Variants in TMEM185A observed in about 807,000 individuals in gnomAD.
TMEM185A encodes the protein transmembrane protein 185A.
Under a neutral mutation model 25.0 loss-of-function variants are expected in TMEM185A, and 9 were observed. The ratio of observed to expected loss-of-function variants is 0.36; its 90% CI spans 0.22 to 0.63. The LOEUF is 0.63. Ranked by LOEUF, TMEM185A falls within the 20% of genes least tolerant of loss-of-function variation. TMEM185A has a pLI of 0.68. For synonymous variants in TMEM185A, 45 were observed against 93.5 expected (o/e 0.48, Z 2.99); for missense variants, 103 against 237.4 (o/e 0.43, Z 3.72).
intron 3 of TMEM185A, among the ~76,000 whole-genome samples, chrX:149,607,360 C>A (rs1557353694): frequency 8.9e-6 from 1 of 112,102 alleles, no homozygotes; most frequent in African/African-American, 3.2e-5. Context: ...AGCTTTGGGC[C>A]CTCAGCTTCT....
At chrX:149,618,443 T>C (rs1437715098) in intron 1 of TMEM185A, among the ~76,000 whole-genome samples, 4 of 111,341 alleles carry the variant, frequency 3.6e-5, no homozygotes, top group African/African-American at 1.3e-4. Context: ...CATCATTGTG[T>C]CATGGTATTC....
At chrX:149,613,687 C>T (rs1424398707) in intron 1 of TMEM185A, among the ~76,000 whole-genome samples, 1 of 112,226 alleles carries the variant, frequency 8.9e-6, no homozygotes, top group East Asian at 2.8e-4. Context: ...ACAGCAGAAA[C>T]GAATGCTAAT....
chrX:149,607,111 G>A (rs1388963873), intron 3 of TMEM185A, among the ~76,000 whole-genome samples: 2 of 111,544 alleles, frequency 1.8e-5, no homozygotes, highest in African/African-American at 6.5e-5. Context: ...AACCCTTCCT[G>A]GTGCTCTAGG....
chrX:149,615,276 C>A (rs66829792), intron 1 of TMEM185A, among the ~76,000 whole-genome samples: 7,847 of 111,397 alleles, frequency 0.07, 216 homozygotes, highest in Middle Eastern at 0.12. Context: ...ACGTAATTTG[C>A]TACCCATTCA....
chrX:149,622,817 G>A (rs375675881), intron 1 of TMEM185A, among the ~76,000 whole-genome samples: 2 of 112,129 alleles, frequency 1.8e-5, no homozygotes, highest in East Asian at 5.6e-4. Context: ...TGGAATCTGG[G>A]CAACAAGTTG....
chrX:149,620,705 C>T (rs1170050575), intron 1 of TMEM185A, among the ~76,000 whole-genome samples: 2 of 112,022 alleles, frequency 1.8e-5, no homozygotes, highest in Non-Finnish European at 3.8e-5. Flanking sequence ...GGTCTCAAGG[C>T]CCACTCCCAA....
chrX:149,611,583 T>TGA, intron 1 of TMEM185A, 120 bp from the exon 2 acceptor site: 1 of 655,230 alleles, frequency 1.5e-6, no homozygotes, highest in Non-Finnish European at 2.3e-6. Flanking sequence ...TCAATAATCA[T>TGA]TTATTGAAAA....
intron 1 of TMEM185A, among the ~76,000 whole-genome samples, chrX:149,615,555 T>A (rs1557354961): frequency 9.0e-6 from 1 of 111,533 alleles, no homozygotes; most frequent in Non-Finnish European, 1.9e-5. Context: ...TAGGAAATCC[T>A]AAGTAATCTA....
At position 149,611,336 on chromosome X, in the gene TMEM185A, C is replaced by A. The variant is rs782695633; in HGVS notation, c.166G>T (p.Val56Phe). 1.7e-6 allele frequency: 2 copies of A among 1,209,473 alleles called. No homozygotes were observed. The highest frequency in any genetic ancestry group is 1.8e-5 in the African/African-American group (1 of 57,124). Residue 56 changes from valine to phenylalanine, a missense_variant, in exon 2 of 7, where the codon GTT (valine) becomes TTT (phenylalanine). Physicochemically the swap from Val to Phe is conservative, Grantham distance 50. Transcript: ENST00000600449. Reference sequence around the variant, plus strand: ...ACTCCAGTTCCAACTGAGGCTCCAACAATGACCATTAACTTCCACAGCCAT... The same window carrying A: ...ACTCCAGTTCCAACTGAGGCTCCAAAAATGACCATTAACTTCCACAGCCAT... Reference protein sequence around the residue: ...PIWLWKLMVIVGASVGTGVWA... With the variant: ...PIWLWKLMVIFGASVGTGVWA...
chrX:149,629,604 T>C (rs2090180975), intron 1 of TMEM185A, among the ~76,000 whole-genome samples: 1 of 112,626 alleles, frequency 8.9e-6, no homozygotes, highest in South Asian at 3.6e-4. Context: ...TTTAAACTTT[T>C]CAGGTAGAAA....
intron 2 of TMEM185A, among the ~76,000 whole-genome samples, chrX:149,609,970 T>C (rs1461803818): frequency 1.8e-5 from 2 of 111,528 alleles, no homozygotes; most frequent in Admixed American, 1.9e-4. Context: ...GCCACACAGG[T>C]CATCAATCTT....
At chrX:149,623,353 G>A (rs2090148679) in intron 1 of TMEM185A, among the ~76,000 whole-genome samples, 1 of 111,581 alleles carries the variant, frequency 9.0e-6, no homozygotes, top group Non-Finnish European at 1.9e-5. Flanking sequence ...GTAATATGGG[G>A]CCACTGCAGA....
intron 4 of TMEM185A, chrX:149,603,662 TACA>T: frequency 5.9e-6 from 1 of 170,039 alleles, no homozygotes; most frequent in Non-Finnish European, 1.1e-5. Context: ...GATGGTCTGA[TACA>T]TGCACTTGAA....
Position 149,601,556 on chromosome X carries a change from T to C in TMEM185A, c.508-1077A>G, listed in dbSNP as rs1366678912. ...GACTGGCTTCCCGCCATCCACATAA[T>C]GTCTCTAATGAGATTCATCCAAGTT... On this transcript the variant is annotated intron_variant, in intron 4 of 6. Coordinates refer to ENST00000600449, the MANE Select transcript of TMEM185A (RefSeq NM_032508.4). The C allele has an allele frequency of 4.1e-5, 4 of 98,130 alleles. 1 individual carries two copies. Among genetic ancestry groups the C allele is most frequent in the African/African-American group, 1.9e-4 (4 of 20,959 alleles). 8.1% of individuals were successfully genotyped at this position (98,130 alleles called of 1,213,427 possible).
chrX:149,608,774 C>T lies in TMEM185A; in HGVS notation c.276G>A (p.Leu92=). The change falls in exon 3 of 7, where the codon TTG becomes TTA. Residue 92 remains leucine (L), a synonymous_variant. Coordinates refer to ENST00000600449, the MANE Select transcript of TMEM185A (RefSeq NM_032508.4). ...KAMLIAVGIH[L]LLLMFEVLVC... ...CCAGAACTTCAAACATCAACAAGAG[C>T]AAGTGGATGCCCACTGCAATCAACA... The T allele has an allele frequency of 8.3e-7, 1 of 1,211,625 alleles. No homozygotes were observed. The highest frequency in any genetic ancestry group is 2.2e-5 in the Admixed American group (1 of 46,035).
intron 4 of TMEM185A, 61 bp downstream of exon 4, chrX:149,603,926 G>C: frequency 1.0e-6 from 1 of 988,436 alleles, no homozygotes; most frequent in Non-Finnish European, 1.4e-6. Context: ...TTTGTACAGT[G>C]AATATGAATT....
At chrX:149,618,526 G>C (rs1249363441) in intron 1 of TMEM185A, among the ~76,000 whole-genome samples, 1 of 111,327 alleles carries the variant, frequency 9.0e-6, no homozygotes, top group African/African-American at 3.3e-5. Context: ...AGTATAACAA[G>C]TGCTTTGTAT....
At chrX:149,625,573 C>A (rs782656230) in intron 1 of TMEM185A, among the ~76,000 whole-genome samples, 1 of 112,332 alleles carries the variant, frequency 8.9e-6, no homozygotes, top group Non-Finnish European at 1.9e-5. Context: ...TTCTGACTAT[C>A]CCAAATGGTG....
At chrX:149,607,037 T>C (rs984367143) in intron 3 of TMEM185A, among the ~76,000 whole-genome samples, 7 of 111,267 alleles carry the variant, frequency 6.3e-5, no homozygotes, top group Admixed American at 4.7e-4. Context: ...CCTACCACTA[T>C]ACCCATGCTG....
Sources: gnomAD v4.1 joint callset for allele counts (sites outside exome capture counted in the v4.1 genomes callset) on GRCh38, gnomAD v4.1.1 for gene constraint, MANE v1.5 for transcripts, NCBI Gene and HGNC (gene_info 2026-07-23, HGNC 2026-07-21) for gene names.